Variants in THOC1 observed in about 807,000 individuals in gnomAD.
THOC1 encodes the protein THO complex subunit 1.
Under a neutral mutation model 97.3 loss-of-function variants are expected in THOC1, and 29 were observed. That is an observed-to-expected ratio of 0.30 (90% CI 0.22 to 0.41). THOC1 has a LOEUF of 0.41. Ranked by LOEUF, THOC1 falls within the 10% of genes least tolerant of loss-of-function variation. The pLI is 1.00. For missense variants in THOC1, 529 were observed against 761.9 expected (o/e 0.69, Z 3.60); for synonymous variants, 255 against 257.0 (o/e 0.99, Z 0.07).
intron 17 of THOC1, among the ~76,000 whole-genome samples, chr18:220,769 G>A (rs2036635018): frequency 6.6e-6 from 1 of 152,096 alleles, no homozygotes; most frequent in South Asian, 2.1e-4. Flanking sequence ...AATCATGTTA[G>A]AATTTTATCT....
Position 214,683 on chromosome 18 carries a change from C to T in THOC1, c.1917G>A (p.Lys639=), listed in dbSNP as rs998272058. The T allele has an allele frequency of 6.2e-7, 1 of 1,613,890 alleles. No individual in the cohort carries two copies. The highest frequency in any genetic ancestry group is 1.1e-5 in the South Asian group (1 of 91,086). Residue 639 remains lysine, a synonymous_variant, in exon 21 of 21, where the codon AAG becomes AAA. Transcript: ENST00000261600. ...TTTCTGCAAGGTCACTTAATCCAGA[C>T]TTATTCAGTGCATTAATCAGATTCT... ...TPENLINALN[K]SGLSDLAESL... is the part of the protein sequence containing the mutation.
At chr18:267,669 G>A (rs576493546) in intron 1 of THOC1, among the ~76,000 whole-genome samples, 122 of 152,266 alleles carry the variant, frequency 8.0e-4, no homozygotes, top group Non-Finnish European at 1.5e-3. Flanking sequence ...GAGCTGAGAG[G>A]ATGGACCCAA....
chr18:214,819 AT>A lies in THOC1; in HGVS notation c.1780del (p.Met594Ter), dbSNP rs1412810456. On this transcript the variant is annotated frameshift_variant, in exon 21 of 21. Transcript: ENST00000261600. LOFTEE classifies it high-confidence loss of function. Reference sequence around the variant, plus strand: ...AATCTGCCTAATTTCTGAGTCTTTCATTTCCAAGTAGGGAGCCAGAATCTTC... The same window carrying A: ...AATCTGCCTAATTTCTGAGTCTTTCATTCCAAGTAGGGAGCCAGAATCTTC... ...QWKILAPYLE[M>X]KDSEIRQIEC... 1 of 1,613,728 alleles carries A rather than the reference AT, an allele frequency of 6.2e-7. No homozygotes were observed. Among genetic ancestry groups the A allele is most frequent in the Non-Finnish European group, 8.5e-7 (1 of 1,179,860 alleles).
At chr18:258,377 G>C (rs968842262) in intron 7 of THOC1, among the ~76,000 whole-genome samples, 1 of 152,038 alleles carries the variant, frequency 6.6e-6, no homozygotes, top group African/African-American at 2.4e-5. Context: ...GTCTAAAAGG[G>C]AAAATGATCA....
In THOC1 at chr18:252,557, T is replaced by C. The variant is rs1367304344; in HGVS notation, c.659A>G (p.Glu220Gly). The C allele has an allele frequency of 1.2e-6, 2 of 1,611,512 alleles. No individual in the cohort carries two copies. Among genetic ancestry groups the C allele is most frequent in the South Asian group, 2.2e-5 (2 of 90,546 alleles). ...MDVEEGEMGDEEAPTTCSIPI... is the reference protein window; with the variant it reads ...MDVEEGEMGDGEAPTTCSIPI... ...AACTCACCACGTTGTTGGAGCTTCCTCGTCTCCCATTTCGCCTTCTTCTAC... is the reference window on the plus strand; with the variant it reads ...AACTCACCACGTTGTTGGAGCTTCCCCGTCTCCCATTTCGCCTTCTTCTAC... The change falls in exon 9 of 21, where the codon GAG becomes GGG. Residue 220 changes from glutamate (E) to glycine (G), a missense_variant. Physicochemically the swap from Glu to Gly is moderately conservative, Grantham distance 98. This residue lies in a region of THOC1 where 92 missense variants were observed against 127.0 expected (regional missense o/e 0.72). Coordinates refer to ENST00000261600, the MANE Select transcript of THOC1 (RefSeq NM_005131.3).
chr18:262,774 T>C (rs1319685738), intron 4 of THOC1, among the ~76,000 whole-genome samples: 2 of 152,204 alleles, frequency 1.3e-5, no homozygotes, highest in Non-Finnish European at 2.9e-5. Context: ...GTGCCAGTTT[T>C]TATAGAAGCA....
intron 1 of THOC1, among the ~76,000 whole-genome samples, chr18:267,053 A>G (rs1030981094): frequency 6.6e-6 from 1 of 151,834 alleles, no homozygotes; most frequent in African/African-American, 2.4e-5. Flanking sequence ...GCAAACAAGA[A>G]AACTACTTAC....
At chr18:256,444 G>C (rs1482552459) in intron 7 of THOC1, among the ~76,000 whole-genome samples, 3 of 152,228 alleles carry the variant, frequency 2.0e-5, no homozygotes, top group South Asian at 4.1e-4. Context: ...ACAATTAGAA[G>C]TGGAGCCTGA....
At chr18:226,659 C>T (rs1911299753) in intron 12 of THOC1, 142 bp downstream of exon 12, 3 of 582,226 alleles carry the variant, frequency 5.2e-6, no homozygotes, top group Non-Finnish European at 6.0e-6. Context: ...ATCGAAAAGC[C>T]TTCAATGTAT....
intron 9 of THOC1, among the ~76,000 whole-genome samples, chr18:250,009 C>T (rs938814329): frequency 1.3e-5 from 2 of 152,198 alleles, no homozygotes; most frequent in South Asian, 4.1e-4. Flanking sequence ...AACTTCACAT[C>T]TAATTTAACA....
chr18:217,868 C>A (rs1025979630), intron 18 of THOC1, among the ~76,000 whole-genome samples: 3 of 152,052 alleles, frequency 2.0e-5, no homozygotes, highest in Admixed American at 6.6e-5. Context: ...GACCAAGAGG[C>A]CTGCTGTGGT....
chr18:265,489 T>C lies in THOC1; in HGVS notation c.96A>G (p.Pro32=). The change falls in exon 2 of 21, where the codon CCA becomes CCG. Residue 32 remains proline, a synonymous_variant. Transcript: ENST00000261600. ...REALNNKNIK[P]LLSTFSQVPG... The stretch of plus-strand genomic sequence containing the variant: ...GTACCTGGCTGAAGGTACTTAACAA[T>C]GGCTTGATGTTTTTGTTGTTCAAGG... The C allele has an allele frequency of 1.3e-6, 2 of 1,596,948 alleles. No homozygotes were observed. Among genetic ancestry groups the C allele is most frequent in the South Asian group, 1.1e-5 (1 of 87,702 alleles).
chr18:215,876 A>G (rs1157101117), intron 19 of THOC1: 2 of 218,690 alleles, frequency 9.1e-6, no homozygotes, highest in Non-Finnish European at 1.8e-5. Context: ...ATCTTTGATA[A>G]AAGACAATAT....
chr18:220,292 C>T (rs1911032728), intron 17 of THOC1, among the ~76,000 whole-genome samples: 1 of 152,194 alleles, frequency 6.6e-6, no homozygotes. Flanking sequence ...CAACCCAGTA[C>T]ACACATATAT....
intron 11 of THOC1, among the ~76,000 whole-genome samples, chr18:228,854 C>A (rs1189775005): frequency 2.0e-5 from 3 of 152,192 alleles, no homozygotes; most frequent in Non-Finnish European, 4.4e-5. Context: ...CCTTAAACAT[C>A]TGTTTTTAAT....
Position 247,880 on chromosome 18 carries a change from T to C in THOC1, c.755A>G (p.Tyr252Cys), listed in dbSNP as rs1912146925. 1 of 1,609,046 alleles carries C rather than the reference T, an allele frequency of 6.2e-7. No individual in the cohort carries two copies. The highest frequency in any genetic ancestry group is 8.5e-7 in the Non-Finnish European group (1 of 1,178,704). The stretch of plus-strand genomic sequence containing the variant: ...AAAAGTTTTCCATGAAATCTTCTCA[T>C]AGCATTGCACAGGGTTCCTGAAGTA... ...QDYFRNPVQC[Y>C]EKISWKTFLK... The change falls in exon 10 of 21, where the codon TAT (tyrosine) becomes TGT (cysteine). Residue 252 changes from tyrosine to cysteine, a missense_variant. Coordinates refer to ENST00000261600, the MANE Select transcript of THOC1 (RefSeq NM_005131.3).
Position 214,831 on chromosome 18 carries a change from G to A in THOC1, c.1769C>T (p.Pro590Leu), listed in dbSNP as rs1272911508. The A allele has an allele frequency of 2.5e-6, 4 of 1,613,818 alleles. No individual in the cohort carries two copies. The East Asian group carries it at 8.9e-5, about 36-fold the overall frequency. ...TTCTGAGTCTTTCATTTCCAAGTAGGGAGCCAGAATCTTCCATTGTTCACC... is the reference window on the plus strand; with the variant it reads ...TTCTGAGTCTTTCATTTCCAAGTAGAGAGCCAGAATCTTCCATTGTTCACC... The part of the protein sequence containing the change: ...KLGEQWKILA[P>L]YLEMKDSEIR... Residue 590 changes from proline to leucine, a missense_variant, in exon 21 of 21, where the codon CCC becomes CTC. Physicochemically the swap from Pro to Leu is moderately conservative, Grantham distance 98. Around this residue, in one of 8 missense-constraint regions of THOC1, gnomAD observed 98 missense variants for 111.9 expected, o/e 0.88. Coordinates refer to ENST00000261600, the MANE Select transcript of THOC1 (RefSeq NM_005131.3).
At chr18:235,444 A>G (rs1196566129) in intron 11 of THOC1, among the ~76,000 whole-genome samples, 1 of 151,880 alleles carries the variant, frequency 6.6e-6, no homozygotes. Flanking sequence ...CTCTTTCTTG[A>G]CATTTTTTCC....
chr18:225,632 C>A, intron 12 of THOC1: 1 of 503,528 alleles, frequency 2.0e-6, no homozygotes, highest in Non-Finnish European at 3.5e-6. Context: ...ATAAAACATT[C>A]AATTAATCAA....
Sources: gnomAD v4.1 joint callset for allele counts (sites outside exome capture counted in the v4.1 genomes callset) on GRCh38, gnomAD v4.1.1 for gene constraint, gnomAD v4.1.1 regional missense constraint, MANE v1.5 for transcripts, NCBI Gene and HGNC (gene_info 2026-07-23, HGNC 2026-07-21) for gene names.